The following LNPK variants were observed in gnomAD, a reference collection of about 807,000 sequenced individuals.
LNPK encodes the protein endoplasmic reticulum junction formation protein lunapark.
In LNPK, 29 loss-of-function variants were observed where a neutral mutation model predicts 55.2. The observed-to-expected ratio is 0.53, with a 90% CI of 0.39 to 0.72. The LOEUF (loss-of-function observed/expected upper bound fraction) is 0.72. Among genes scored for constraint, LNPK ranks in the 30% least tolerant of loss-of-function variants. The probability of loss-of-function intolerance (pLI) is 0.00; values close to 1 mark genes in which losing one functional copy is unlikely to be tolerated. For missense variants in LNPK, 467 were observed against 494.8 expected (o/e 0.94, Z 0.53); for synonymous variants, 162 against 168.2 (o/e 0.96, Z 0.29).
chr2:175,961,566 G>C (rs1236689618), intron 8 of LNPK, among the ~76,000 whole-genome samples: 1 of 152,096 alleles, frequency 6.6e-6, no homozygotes, highest in Non-Finnish European at 1.5e-5. Context: ...AATAATAAGA[G>C]CTATTTATGA....
At chr2:175,937,029 A>C (rs185294539) in intron 12 of LNPK, among the ~76,000 whole-genome samples, 1,811 of 152,244 alleles carry the variant, frequency 0.012, 19 homozygotes, top group Non-Finnish European at 0.019. Context: ...AATCTGTTTC[A>C]CTCAGATAAA....
chr2:175,973,665 T>C (rs1309835146), intron 5 of LNPK, among the ~76,000 whole-genome samples: 1 of 152,208 alleles, frequency 6.6e-6, no homozygotes, highest in Non-Finnish European at 1.5e-5. Context: ...CTGCAAAGAC[T>C]TTTTATAGAG....
At chr2:175,939,403 G>A (rs1026446048) in intron 10 of LNPK, 149 bp downstream of exon 10, 7 of 416,934 alleles carry the variant, frequency 1.7e-5, no homozygotes, top group African/African-American at 8.2e-5. Context: ...TCAAATAATT[G>A]AATATGTACT....
At chr2:175,941,150 C>A in intron 9 of LNPK, 1 of 346,470 alleles carries the variant, frequency 2.9e-6, no homozygotes, top group South Asian at 2.1e-5. Flanking sequence ...ACTCAGGAGG[C>A]AGAGGTAGAA....
chr2:175,995,509 A>T, intron 2 of LNPK, 49 bp downstream of exon 2: 1 of 1,462,278 alleles, frequency 6.8e-7, no homozygotes, highest in Non-Finnish European at 9.5e-7. Context: ...GCTTTATGTG[A>T]CACTTTTATA....
intron 4 of LNPK, among the ~76,000 whole-genome samples, chr2:175,986,612 G>A (rs1028502126): frequency 2.0e-5 from 3 of 151,890 alleles, no homozygotes; most frequent in Non-Finnish European, 4.4e-5. Context: ...ACTGAAAGCA[G>A]AAATTTTTCC....
At chr2:175,974,349 TAAA>T (rs923924239) in intron 5 of LNPK, among the ~76,000 whole-genome samples, 8 of 152,166 alleles carry the variant, frequency 5.3e-5, no homozygotes, top group African/African-American at 1.4e-4. Flanking sequence ...ACATGGCACT[TAAA>T]AAATGCTGTA....
At chr2:175,953,446 T>C (rs1430319346) in intron 8 of LNPK, among the ~76,000 whole-genome samples, 1 of 152,038 alleles carries the variant, frequency 6.6e-6, no homozygotes, top group Non-Finnish European at 1.5e-5. Flanking sequence ...CAAAAGTAAA[T>C]TCATTATCTT....
chr2:175,935,315 C>T (rs1181065878), intron 12 of LNPK, among the ~76,000 whole-genome samples: 1 of 151,830 alleles, frequency 6.6e-6, no homozygotes, highest in Non-Finnish European at 1.5e-5. Context: ...ATTTAAAAAT[C>T]AGAAATCTAA....
Position 175,992,246 on chromosome 2 carries a change from A to G in LNPK, c.242T>C (p.Phe81Ser). The part of the protein sequence containing the change: ...TARLAMTLPF[F>S]AFPLIIWSIR... ...ATTTACTTACATCAATGGAAAAGCA[A>G]AAAATGGGAGTGTCATGGCAAGTCT... The change falls in exon 4 of 13, where the codon TTT (phenylalanine) becomes TCT (serine). Residue 81 changes from phenylalanine (F) to serine (S), a missense_variant. By Grantham distance (155) the Phe-to-Ser change is radical. Coordinates refer to ENST00000272748, the MANE Select transcript of LNPK (RefSeq NM_030650.3). 1.3e-6 allele frequency: 2 copies of G among 1,555,916 alleles called. No individual in the cohort carries two copies. Among genetic ancestry groups the G allele is most frequent in the East Asian group, 4.9e-5 (2 of 40,966 alleles).
At chr2:175,930,810 T>C (rs1684248435) in intron 12 of LNPK, among the ~76,000 whole-genome samples, 1 of 152,176 alleles carries the variant, frequency 6.6e-6, no homozygotes, top group Non-Finnish European at 1.5e-5. Flanking sequence ...ACAAGTCCTC[T>C]GTATTTAACC....
At chr2:175,943,923 A>C (rs2592504) in intron 9 of LNPK, among the ~76,000 whole-genome samples, 13,946 of 152,172 alleles carry the variant, frequency 0.092, 1,424 homozygotes, top group African/African-American at 0.25. Flanking sequence ...TGAAGGTTAT[A>C]GCTCATATAA....
intron 1 of LNPK, among the ~76,000 whole-genome samples, chr2:175,996,961 C>G (rs1687961141): frequency 6.6e-6 from 1 of 152,144 alleles, no homozygotes; most frequent in African/African-American, 2.4e-5. Flanking sequence ...AAAACTACTT[C>G]TTTTCCACCC....
chr2:175,955,798 A>C (rs774601474), intron 8 of LNPK, among the ~76,000 whole-genome samples: 15 of 152,244 alleles, frequency 9.9e-5, no homozygotes, highest in Non-Finnish European at 2.1e-4. Flanking sequence ...TGAAATAAGA[A>C]GTTGTACTCT....
intron 5 of LNPK, among the ~76,000 whole-genome samples, chr2:175,976,831 T>G (rs1686933343): frequency 6.6e-6 from 1 of 152,220 alleles, no homozygotes; most frequent in Admixed American, 6.5e-5. Flanking sequence ...CCATTAGCCC[T>G]CCTGGGTCTC....
At chr2:175,983,346 A>C (rs988822740) in intron 4 of LNPK, among the ~76,000 whole-genome samples, 1 of 152,200 alleles carries the variant, frequency 6.6e-6, no homozygotes, top group Non-Finnish European at 1.5e-5. Context: ...GGCTGGGAAA[A>C]AATAACAGCT....
intron 4 of LNPK, among the ~76,000 whole-genome samples, chr2:175,990,671 T>C (rs777841017): frequency 6.6e-6 from 1 of 152,200 alleles, no homozygotes; most frequent in Non-Finnish European, 1.5e-5. Context: ...ACTTTCACAT[T>C]GTTTTATTTC....
At chr2:175,946,629 C>T (rs1382346585) in intron 9 of LNPK, among the ~76,000 whole-genome samples, 2 of 152,012 alleles carry the variant, frequency 1.3e-5, no homozygotes, top group African/African-American at 4.8e-5. Flanking sequence ...TTTTACTACA[C>T]AAATACTCTG....
intron 12 of LNPK, among the ~76,000 whole-genome samples, chr2:175,935,176 G>C (rs1013739892): frequency 1.3e-5 from 2 of 152,080 alleles, no homozygotes; most frequent in East Asian, 1.9e-4. Context: ...TTATCTTTTG[G>C]TTCCATCTGT....
Sources: allele counts gnomAD v4.1 joint callset (sites outside exome capture counted in the v4.1 genomes callset), GRCh38; gene constraint gnomAD v4.1.1; transcripts MANE v1.5; gene names NCBI Gene and HGNC (gene_info 2026-07-23, HGNC 2026-07-21).